Variants in BMP5 observed in about 807,000 individuals in gnomAD.
BMP5 encodes the protein bone morphogenetic protein 5.
In BMP5, 23 loss-of-function variants were observed where a neutral mutation model predicts 46.6. The ratio of observed to expected loss-of-function variants is 0.49; its 90% CI spans 0.35 to 0.70. The LOEUF is 0.70. BMP5 is among the 30% of genes least tolerant of loss of function. The pLI is 0.00. For synonymous variants in BMP5, 204 were observed against 191.9 expected, an observed-to-expected ratio of 1.06 and a Z score of -0.52; for missense variants, 545 against 565.6, an observed-to-expected ratio of 0.96 and a Z score of 0.37.
Position 55,874,990 on chromosome 6 carries a change from G to T in BMP5, c.-125C>A. ...AAAAACAAATTTACCTATTTTTCAT[G>T]ACAGTGACATTTCTGAGCACAACAT... is the stretch of plus-strand genomic sequence containing the variant. On this transcript the variant is annotated 5_prime_UTR_variant, in exon 1 of 7. It introduces an in-frame stop codon into an upstream open reading frame of the 5' UTR. Coordinates refer to ENST00000370830, the MANE Select transcript of BMP5 (RefSeq NM_021073.4). 8.9e-7 allele frequency: 1 copy of T among 1,118,280 alleles called. No homozygotes were observed. The highest frequency in any genetic ancestry group is 1.3e-6 in the Non-Finnish European group (1 of 779,918). 69.3% of individuals were successfully genotyped at this position (1,118,280 alleles called of 1,614,324 possible). A position where few individuals can be genotyped will look rare whatever the true frequency, so the allele number is the denominator to read the frequency against.
intron 4 of BMP5, 115 bp from the exon 5 acceptor site, chr6:55,760,648 A>G: frequency 1.1e-6 from 1 of 879,886 alleles, no homozygotes; most frequent in South Asian, 1.5e-5. Flanking sequence ...TTGTGGAAAA[A>G]TGAGTTTCAA....
chr6:55,790,109 G>C (rs1305520424), intron 3 of BMP5, among the ~76,000 whole-genome samples: 5 of 152,010 alleles, frequency 3.3e-5, no homozygotes, highest in Admixed American at 2.0e-4. Context: ...ACACATCACT[G>C]ACTTTCTCCT....
At chr6:55,861,847 C>T (rs751334831) in intron 1 of BMP5, among the ~76,000 whole-genome samples, 4 of 152,212 alleles carry the variant, frequency 2.6e-5, no homozygotes, top group Non-Finnish European at 5.9e-5. Flanking sequence ...GCAGCCTTCT[C>T]AATAGCATTG....
At chr6:55,831,374 A>G (rs1277511348) in intron 1 of BMP5, among the ~76,000 whole-genome samples, 1 of 152,178 alleles carries the variant, frequency 6.6e-6, no homozygotes, top group Non-Finnish European at 1.5e-5. Flanking sequence ...TGAGATATAA[A>G]CGTAAAAATT....
chr6:55,796,787 G>C (rs1316145084), intron 2 of BMP5, among the ~76,000 whole-genome samples: 1 of 151,822 alleles, frequency 6.6e-6, no homozygotes, highest in Non-Finnish European at 1.5e-5. Flanking sequence ...TACTGAGAAT[G>C]ATGATGTATA....
At chr6:55,808,180 A>C (rs2127534144) in intron 2 of BMP5, among the ~76,000 whole-genome samples, 1 of 152,164 alleles carries the variant, frequency 6.6e-6, no homozygotes, top group South Asian at 2.1e-4. Flanking sequence ...ACCTGGTTGG[A>C]GTTTTAGAAG....
chr6:55,795,101 G>A (rs1434411310), intron 2 of BMP5, among the ~76,000 whole-genome samples: 4 of 152,054 alleles, frequency 2.6e-5, no homozygotes, highest in Non-Finnish European at 4.4e-5. Flanking sequence ...AATCTGCACA[G>A]TGTTACTGTT....
chr6:55,861,781 A>AATTCAATATATAAT (rs1372956423), intron 1 of BMP5, among the ~76,000 whole-genome samples: 33 of 152,312 alleles, frequency 2.2e-4, no homozygotes, highest in Admixed American at 1.4e-3. Context: ...AAATAGTGCA[A>AATTCAATATATAAT]ATTCAATATA....
chr6:55,806,997 G>T (rs1776006462), intron 2 of BMP5, among the ~76,000 whole-genome samples: 1 of 152,074 alleles, frequency 6.6e-6, no homozygotes, highest in Non-Finnish European at 1.5e-5. Flanking sequence ...TCTAAATGTA[G>T]AATCATGCCA....
intron 3 of BMP5, among the ~76,000 whole-genome samples, chr6:55,778,873 C>G (rs939084945): frequency 3.3e-5 from 5 of 152,022 alleles, no homozygotes; most frequent in Admixed American, 6.6e-5. Flanking sequence ...ATCTGCTACT[C>G]TAACCCAAAT....
chr6:55,853,436 T>C (rs1292625826), intron 1 of BMP5, among the ~76,000 whole-genome samples: 2 of 151,598 alleles, frequency 1.3e-5, no homozygotes, highest in South Asian at 2.1e-4. Flanking sequence ...ACATCATTGC[T>C]GTACCAAGGT....
chr6:55,775,191 A>G (rs1441284381), intron 3 of BMP5, among the ~76,000 whole-genome samples: 2 of 151,976 alleles, frequency 1.3e-5, no homozygotes, highest in Admixed American at 1.3e-4. Flanking sequence ...TAAAGTTGAT[A>G]AAGTACCTCT....
intron 1 of BMP5, among the ~76,000 whole-genome samples, chr6:55,863,187 A>G (rs1303442487): frequency 6.6e-6 from 1 of 152,188 alleles, no homozygotes; most frequent in Non-Finnish European, 1.5e-5. Flanking sequence ...GTGGGATCAT[A>G]TCTACTTCCT....
At chr6:55,760,874 C>G (rs1170195118) in intron 4 of BMP5, among the ~76,000 whole-genome samples, 4 of 150,642 alleles carry the variant, frequency 2.7e-5, no homozygotes, top group Non-Finnish European at 4.4e-5. Flanking sequence ...CATTCATACT[C>G]TAGGGGTACT....
chr6:55,796,983 G>A (rs1775730148), intron 2 of BMP5, among the ~76,000 whole-genome samples: 1 of 152,002 alleles, frequency 6.6e-6, no homozygotes, highest in South Asian at 2.1e-4. Context: ...TTCTATTAAT[G>A]GTCAAAGCTA....
chr6:55,818,389 C>G (rs1776328172), intron 2 of BMP5, among the ~76,000 whole-genome samples: 1 of 151,926 alleles, frequency 6.6e-6, no homozygotes, highest in Non-Finnish European at 1.5e-5. Context: ...AATATAATCA[C>G]TGTTTTGTTT....
chr6:55,800,840 G>A (rs961181948), intron 2 of BMP5, among the ~76,000 whole-genome samples: 5 of 152,284 alleles, frequency 3.3e-5, no homozygotes, highest in African/African-American at 4.8e-5. Flanking sequence ...AGGGGGATCA[G>A]AACCCAGTTT....
Position 55,874,769 on chromosome 6 carries a change from G to A in BMP5, c.97C>T (p.His33Tyr). The change falls in exon 1 of 7, where the codon CAT becomes TAT. Residue 33 changes from histidine to tyrosine, a missense_variant. Physicochemically the swap from His to Tyr is moderately conservative, Grantham distance 83. Transcript: ENST00000370830. ...GYAKGGLGDNHVHSSFIYRRL... is the reference protein window; with the variant it reads ...GYAKGGLGDNYVHSSFIYRRL... ...CTATAAATAAAACTGGAGTGAACAT[G>A]ATTGTCTCCCAAACCTCCTTTTGCA... 1 of 1,613,446 alleles carries A rather than the reference G, an allele frequency of 6.2e-7. No individual in the cohort carries two copies.
In BMP5 at chr6:55,839,673, T is replaced by C. The variant is rs749279051; in HGVS notation, c.491-19826A>G. On this transcript the variant is annotated intron_variant, in intron 1 of 6. Coordinates refer to ENST00000370830, the MANE Select transcript of BMP5 (RefSeq NM_021073.4). ...CATTAATTAATACATAGGAGCACAATTGGTGTACCGTAGGTTATATGTACA... is the reference window on the plus strand; with the variant it reads ...CATTAATTAATACATAGGAGCACAACTGGTGTACCGTAGGTTATATGTACA... Among the ~76,000 whole-genome samples, 12 of 152,226 alleles carry C rather than the reference T, an allele frequency of 7.9e-5. 1 individual carries two copies. The highest frequency in any genetic ancestry group is 1.8e-4 in the Non-Finnish European group (12 of 68,042).
Sources: allele counts gnomAD v4.1 joint callset (sites outside exome capture counted in the v4.1 genomes callset), GRCh38; gene constraint gnomAD v4.1.1; transcripts MANE v1.5; gene names NCBI Gene and HGNC (gene_info 2026-07-23, HGNC 2026-07-21).